SPMIP7: variants seen among roughly 807,000 people sequenced by gnomAD.
SPMIP7 encodes protein SPMIP7.
chr7:50,132,210 G>A, the SPMIP7 span, among the ~76,000 whole-genome samples: 1 of 151,908 alleles, frequency 6.6e-6, no homozygotes, highest in Non-Finnish European at 1.5e-5. Context: ...GCTGAACATG[G>A]GATCCTTGTT....
the SPMIP7 span, chr7:50,141,764 C>T: frequency 1.9e-5 from 2 of 103,640 alleles, no homozygotes; most frequent in Non-Finnish European, 3.6e-5. Context: ...GAGTCTCGCT[C>T]AGTCGCCCAG....
the SPMIP7 span, among the ~76,000 whole-genome samples, chr7:50,144,259 T>A: frequency 6.6e-6 from 1 of 152,208 alleles, no homozygotes; most frequent in East Asian, 1.9e-4. Flanking sequence ...ATTTTTGAAG[T>A]GTAGAAAGTA....
chr7:50,155,666 C>T, the SPMIP7 span, among the ~76,000 whole-genome samples: 2 of 152,112 alleles, frequency 1.3e-5, no homozygotes, highest in Non-Finnish European at 2.9e-5. Context: ...CAGATAAATC[C>T]TATTTCTAAA....
At chr7:50,119,052 A>T in the SPMIP7 span, among the ~76,000 whole-genome samples, 1 of 152,306 alleles carries the variant, frequency 6.6e-6, no homozygotes, top group Admixed American at 6.5e-5. Context: ...CAGACTGAGA[A>T]CAACCAGACC....
chr7:50,148,046 C>T, the SPMIP7 span, among the ~76,000 whole-genome samples: 3 of 152,184 alleles, frequency 2.0e-5, no homozygotes, highest in Non-Finnish European at 4.4e-5. Flanking sequence ...ATAATATCTC[C>T]TATCAGCAGC....
the SPMIP7 span, among the ~76,000 whole-genome samples, chr7:50,136,510 A>ATGAGC: frequency 6.6e-6 from 1 of 152,226 alleles, no homozygotes; most frequent in Admixed American, 6.5e-5. Context: ...AGCCTGGGTG[A>ATGAGC]TGAGCGAGAC....
chr7:50,133,542 C>G, the SPMIP7 span, among the ~76,000 whole-genome samples: 1 of 152,142 alleles, frequency 6.6e-6, no homozygotes, highest in Non-Finnish European at 1.5e-5. Flanking sequence ...TTCTGTGTGA[C>G]AGACTGCAGG....
At chr7:50,125,681 C>T in the SPMIP7 span, among the ~76,000 whole-genome samples, 1 of 151,220 alleles carries the variant, frequency 6.6e-6, no homozygotes, top group Admixed American at 6.6e-5. Context: ...TTTACCACAA[C>T]ATGGATGAAC....
At chr7:50,117,691 C>T in the SPMIP7 span, among the ~76,000 whole-genome samples, 1 of 152,082 alleles carries the variant, frequency 6.6e-6, no homozygotes, top group Non-Finnish European at 1.5e-5. Context: ...TATTATAAAA[C>T]TCAGAAGGAA....
the SPMIP7 span, among the ~76,000 whole-genome samples, chr7:50,144,158 T>C: frequency 6.6e-6 from 1 of 152,242 alleles, no homozygotes; most frequent in Non-Finnish European, 1.5e-5. Context: ...CCAATGGTTA[T>C]GCTCAGTATT....
the SPMIP7 span, among the ~76,000 whole-genome samples, chr7:50,123,778 A>G: frequency 6.8e-6 from 1 of 148,042 alleles, no homozygotes; most frequent in African/African-American, 2.4e-5. Context: ...CAAAAAGACA[A>G]ATTTAAATAA....
chr7:50,096,401 TCCTGTTC>T, the SPMIP7 span: 1 of 1,551,982 alleles, frequency 6.4e-7, no homozygotes, highest in Non-Finnish European at 8.7e-7. Context: ...CTTAGGTGAT[TCCTGTTC>T]AGGGTTTATG....
chr7:50,128,781 TAGATAA>T, the SPMIP7 span, among the ~76,000 whole-genome samples: 2 of 151,892 alleles, frequency 1.3e-5, no homozygotes, highest in African/African-American at 2.4e-5. Context: ...GGACAGTAAA[TAGATAA>T]AGATAGAGAA....
chr7:50,125,157 T>C, the SPMIP7 span, among the ~76,000 whole-genome samples: 47 of 36,322 alleles, frequency 1.3e-3, 10 homozygotes, highest in Middle Eastern at 0.022. Context: ...CACACATATA[T>C]ATACACATAT....
the SPMIP7 span, chr7:50,096,118 G>T: frequency 6.6e-7 from 1 of 1,525,894 alleles, no homozygotes; most frequent in Non-Finnish European, 8.8e-7. Context: ...CACCTGGAAA[G>T]ATAAGTATCT....
the SPMIP7 span, among the ~76,000 whole-genome samples, chr7:50,122,486 C>T: frequency 6.6e-6 from 1 of 151,200 alleles, no homozygotes; most frequent in East Asian, 1.9e-4. Flanking sequence ...TAGGCATTAC[C>T]ATTCAGGACA....
chr7:50,136,794 T>C, the SPMIP7 span, among the ~76,000 whole-genome samples: 1 of 152,182 alleles, frequency 6.6e-6, no homozygotes, highest in Non-Finnish European at 1.5e-5. Flanking sequence ...ATCACAATAT[T>C]GTCTGTTCAT....
the SPMIP7 span, among the ~76,000 whole-genome samples, chr7:50,142,330 A>G: frequency 1.7e-4 from 26 of 152,352 alleles, no homozygotes; most frequent in African/African-American, 6.0e-4. Flanking sequence ...AAGAGAGTGA[A>G]GAGCAGTATG....
chr7:50,096,121 A>G, the SPMIP7 span: 3 of 1,527,504 alleles, frequency 2.0e-6, no homozygotes, highest in Non-Finnish European at 2.6e-6. Context: ...CTGGAAAGAT[A>G]AGTATCTCTA....
Sources: allele counts gnomAD v4.1 joint callset (sites outside exome capture counted in the v4.1 genomes callset), GRCh38; gene constraint gnomAD v4.1.1; transcripts MANE v1.5; gene names NCBI Gene and HGNC (gene_info 2026-07-23, HGNC 2026-07-21).